Variants in ACER3 observed in about 807,000 individuals in gnomAD.
The protein encoded by ACER3 is alkaline ceramidase 3, also known as alkCDase 3.
Under a neutral mutation model 48.9 loss-of-function variants are expected in ACER3, and 16 were observed. The observed-to-expected ratio is 0.33, with a 90% CI of 0.22 to 0.50. ACER3 has a LOEUF of 0.50. Ranked by LOEUF, ACER3 falls within the 20% of genes least tolerant of loss-of-function variation. The pLI is 0.98. For synonymous variants in ACER3, 109 were observed against 107.8 expected (o/e 1.01, Z -0.07); for missense variants, 227 against 326.0 (o/e 0.70, Z 2.34).
intron 3 of ACER3, among the ~76,000 whole-genome samples, chr11:76,969,429 G>A (rs1591009324): frequency 1.3e-5 from 2 of 152,108 alleles, no homozygotes; most frequent in Non-Finnish European, 2.9e-5. Flanking sequence ...ATTTGACCCA[G>A]CCATCCCATT....
intron 3 of ACER3, among the ~76,000 whole-genome samples, chr11:76,971,914 G>C (rs7936973): frequency 0.057 from 8,631 of 152,152 alleles, 846 homozygotes; most frequent in African/African-American, 0.2. Flanking sequence ...GAAGGGGTGG[G>C]GGGTGGTTCA....
chr11:76,971,225 G>A (rs7114082), intron 3 of ACER3, among the ~76,000 whole-genome samples: 16,386 of 152,064 alleles, frequency 0.11, 2,917 homozygotes, highest in African/African-American at 0.37. Context: ...TTTCCCCAAA[G>A]GCTCAATGAT....
chr11:76,920,569 CTCTTA>C (rs757640007), intron 1 of ACER3, among the ~76,000 whole-genome samples: 4 of 151,622 alleles, frequency 2.6e-5, no homozygotes, highest in Non-Finnish European at 5.9e-5. Context: ...TCTCTCCTTA[CTCTTA>C]TAAGTTAATA....
chr11:76,960,471 C>A (rs566434196), intron 3 of ACER3, among the ~76,000 whole-genome samples: 4,439 of 151,924 alleles, frequency 0.029, 209 homozygotes, highest in African/African-American at 0.1. Context: ...CTACTTCTCT[C>A]TCTATATATA....
At chr11:76,955,955 C>T (rs1947828909) in intron 2 of ACER3, among the ~76,000 whole-genome samples, 1 of 152,168 alleles carries the variant, frequency 6.6e-6, no homozygotes, top group Non-Finnish European at 1.5e-5. Context: ...TAAAAGACTA[C>T]ATGATGTATG....
intron 2 of ACER3, among the ~76,000 whole-genome samples, chr11:76,950,385 A>T (rs1176600081): frequency 1.0e-3 from 29 of 28,008 alleles, no homozygotes; most frequent in African/African-American, 3.4e-3. Context: ...ATATATATAT[A>T]TATATATATA....
intron 1 of ACER3, among the ~76,000 whole-genome samples, chr11:76,903,065 T>C (rs1230742222): frequency 6.6e-6 from 1 of 152,264 alleles, no homozygotes; most frequent in Admixed American, 6.5e-5. Flanking sequence ...ACATAAGTTT[T>C]ATGTATCCAT....
At chr11:76,941,025 ACACACACACACACACG>A (rs935461433) in intron 2 of ACER3, among the ~76,000 whole-genome samples, 11 of 91,714 alleles carry the variant, frequency 1.2e-4, no homozygotes, top group East Asian at 2.7e-4. Context: ...ACACACACAC[ACACACACACACACACG>A]CACACACACA....
chr11:76,861,307 G>A (rs1393710467), intron 1 of ACER3, among the ~76,000 whole-genome samples: 4 of 142,832 alleles, frequency 2.8e-5, no homozygotes, highest in African/African-American at 1.0e-4. Flanking sequence ...GGGGCCTGAG[G>A]ATTGGGGGGG....
intron 5 of ACER3, 83 bp downstream of exon 5, chr11:76,985,807 C>A: frequency 4.0e-6 from 3 of 740,750 alleles, no homozygotes; most frequent in Non-Finnish European, 6.2e-6. Flanking sequence ...CCAGTATTTG[C>A]TTCATGCTGT....
intron 1 of ACER3, among the ~76,000 whole-genome samples, chr11:76,884,809 G>C (rs1464021483): frequency 2.0e-5 from 3 of 151,890 alleles, no homozygotes; most frequent in African/African-American, 7.3e-5. Context: ...TGTTGTCCAG[G>C]CTGGAGGGCA....
At chr11:76,872,645 T>C (rs1474091257) in intron 1 of ACER3, among the ~76,000 whole-genome samples, 1 of 152,212 alleles carries the variant, frequency 6.6e-6, no homozygotes, top group Non-Finnish European at 1.5e-5. Context: ...GAGGATGTCA[T>C]TATTGTTGAT....
At chr11:77,008,358 TAGAC>T (rs1358534582) in intron 7 of ACER3, among the ~76,000 whole-genome samples, 1 of 152,250 alleles carries the variant, frequency 6.6e-6, no homozygotes, top group Non-Finnish European at 1.5e-5. Flanking sequence ...TCAAGTCTGA[TAGAC>T]AGGGTACCAA....
At chr11:76,896,426 AGGC>A (rs72007746) in intron 1 of ACER3, among the ~76,000 whole-genome samples, 16,355 of 151,816 alleles carry the variant, frequency 0.11, 2,906 homozygotes, top group African/African-American at 0.37. Context: ...TGGGAAGCTA[AGGC>A]GGGCAGATCG....
intron 7 of ACER3, among the ~76,000 whole-genome samples, chr11:77,011,178 T>G (rs1949255937): frequency 6.6e-6 from 1 of 152,180 alleles, no homozygotes; most frequent in African/African-American, 2.4e-5. Context: ...GAGAGACATA[T>G]GTTGAGTGCC....
chr11:76,864,030 A>G (rs948433414), intron 1 of ACER3, among the ~76,000 whole-genome samples: 4 of 152,252 alleles, frequency 2.6e-5, no homozygotes, highest in African/African-American at 9.6e-5. Flanking sequence ...AGTTTACTCA[A>G]CCATCTTTCA....
chr11:76,988,157 A>C (rs1948723495), intron 5 of ACER3, among the ~76,000 whole-genome samples: 1 of 152,224 alleles, frequency 6.6e-6, no homozygotes, highest in Non-Finnish European at 1.5e-5. Context: ...GAGAGCTAAT[A>C]GAAATTTTCA....
At chr11:76,907,335 A>G (rs1484329315) in intron 1 of ACER3, among the ~76,000 whole-genome samples, 7 of 139,358 alleles carry the variant, frequency 5.0e-5, no homozygotes, top group Non-Finnish European at 8.3e-5. Flanking sequence ...CTCACTAGAC[A>G]CTATTTCAAG....
intron 2 of ACER3, among the ~76,000 whole-genome samples, chr11:76,943,957 G>T (rs1205377421): frequency 1.3e-5 from 2 of 149,136 alleles, no homozygotes; most frequent in African/African-American, 2.5e-5. Flanking sequence ...TATTTTATCT[G>T]ATATAAGTAT....
Sources: gnomAD v4.1 joint callset for allele counts (sites outside exome capture counted in the v4.1 genomes callset) on GRCh38, gnomAD v4.1.1 for gene constraint, MANE v1.5 for transcripts, NCBI Gene and HGNC (gene_info 2026-07-23, HGNC 2026-07-21) for gene names.